Variants in NR3C1 observed in about 807,000 individuals in gnomAD.
The protein encoded by NR3C1 is glucocorticoid receptor.
NR3C1 carries 14 observed loss-of-function variants against 74.0 expected under a neutral mutation model. That is an observed-to-expected ratio of 0.19 (90% CI 0.12 to 0.30). The LOEUF is 0.30. NR3C1 is among the 10% of genes least tolerant of loss of function. The probability of loss-of-function intolerance (pLI) is 1.00; values close to 1 mark genes in which losing one functional copy is unlikely to be tolerated. For missense variants in NR3C1, 695 were observed against 909.8 expected, an observed-to-expected ratio of 0.76 and a Z score of 3.04; for synonymous variants, 308 against 332.5, an observed-to-expected ratio of 0.93 and a Z score of 0.80.
chr5:143,385,205 C>A lies in NR3C1; in HGVS notation c.1184+14451G>T, dbSNP rs1409771320. On this transcript the variant is annotated intron_variant, in intron 2 of 8. Coordinates refer to ENST00000394464, the MANE Select transcript of NR3C1 (RefSeq NM_000176.3). The stretch of plus-strand genomic sequence containing the variant: ...CTGAGGCTGCAGAGAGCAGCGCAAC[C>A]CTGGGCCTGGCCCACGAAACCATTT... 2.0e-5 allele frequency among the ~76,000 whole-genome samples: 3 copies of A among 152,220 alleles called. No individual in the cohort carries two copies. In the East Asian group the frequency reaches 5.8e-4, roughly 29 times the overall value.
chr5:143,304,460 G>C (rs2151575300), intron 4 of NR3C1, among the ~76,000 whole-genome samples: 1 of 152,160 alleles, frequency 6.6e-6, no homozygotes, highest in South Asian at 2.1e-4. Context: ...GGTAGAATCA[G>C]TATAGTTAAA....
intron 2 of NR3C1, chr5:143,332,842 T>C: frequency 6.9e-7 from 1 of 1,457,330 alleles, no homozygotes; most frequent in Non-Finnish European, 9.5e-7. Flanking sequence ...CTAAAGAAAA[T>C]TTTTAGTGGT....
intron 4 of NR3C1, among the ~76,000 whole-genome samples, chr5:143,301,894 A>T (rs1405282515): frequency 6.6e-6 from 1 of 152,112 alleles, no homozygotes; most frequent in Non-Finnish European, 1.5e-5. Context: ...ATGTTAGAAT[A>T]GAATGGTTCC....
chr5:143,326,338 A>G (rs1484354603), intron 2 of NR3C1, among the ~76,000 whole-genome samples: 1 of 152,220 alleles, frequency 6.6e-6, no homozygotes, highest in East Asian at 1.9e-4. Flanking sequence ...TTTTCTATCT[A>G]TCCTGCCCCT....
intron 2 of NR3C1, among the ~76,000 whole-genome samples, chr5:143,338,951 A>G (rs570044789): frequency 2.3e-4 from 35 of 152,194 alleles, no homozygotes; most frequent in African/African-American, 8.2e-4. Flanking sequence ...TTTTTATTGT[A>G]CCTTTTCTAT....
chr5:143,425,297 A>G (rs555263925), intron 1 of NR3C1, among the ~76,000 whole-genome samples: 10 of 152,316 alleles, frequency 6.6e-5, no homozygotes, highest in African/African-American at 2.2e-4. Context: ...AGAATCTCGG[A>G]TTAGTCAATG....
rs755608197 is a variant in NR3C1 at position 143,300,216 on chromosome 5, G to C, written c.1747+269C>G. The stretch of plus-strand genomic sequence containing the variant: ...CAAACTTCAGTGTAAAAGGAGTTTT[G>C]AGTGAGTCTTGTAACTTGAATTCTG... On this transcript the variant is annotated intron_variant, in intron 5 of 8. Coordinates refer to ENST00000394464, the MANE Select transcript of NR3C1 (RefSeq NM_000176.3). The surrounding 1 kb of genome is among the most constrained non-coding windows in gnomAD (Gnocchi z 5.2). Among the ~76,000 whole-genome samples, 6 of 152,152 alleles carry C rather than the reference G, an allele frequency of 3.9e-5. No individual in the cohort carries two copies. Among genetic ancestry groups the C allele is most frequent in the Non-Finnish European group, 7.4e-5 (5 of 68,016 alleles).
intron 2 of NR3C1, among the ~76,000 whole-genome samples, chr5:143,396,267 A>G (rs941266017): frequency 5.3e-5 from 8 of 151,876 alleles, no homozygotes; most frequent in Non-Finnish European, 1.2e-4. Context: ...CAAGTTACAG[A>G]TTTAAAAAAT....
At chr5:143,286,151 A>G (rs1814419868) in intron 7 of NR3C1, among the ~76,000 whole-genome samples, 1 of 152,142 alleles carries the variant, frequency 6.6e-6, no homozygotes, top group Non-Finnish European at 1.5e-5. Context: ...ATGTAAACCA[A>G]CAAAGCTCAC....
intron 2 of NR3C1, among the ~76,000 whole-genome samples, chr5:143,393,130 C>A (rs1446016453): frequency 2.0e-5 from 3 of 152,118 alleles, no homozygotes; most frequent in Non-Finnish European, 4.4e-5. Context: ...CCCCACCTCT[C>A]GGGTGCTAAC....
rs868322840 is a variant in NR3C1 at position 143,300,419 on chromosome 5, C to T, written c.1747+66G>A. ...CATGGGCTCACGATGATATAAAAGC[C>T]AAAGTGTTTTTGCTGAAGAAAACAC... On this transcript the variant is annotated intron_variant, in intron 5 of 8. Coordinates refer to ENST00000394464, the MANE Select transcript of NR3C1 (RefSeq NM_000176.3). This position sits in a 1 kb window ranked among gnomAD's most constrained non-coding sequence, Gnocchi z 5.2. 16 of 1,602,004 alleles carry T rather than the reference C, an allele frequency of 1.0e-5. No homozygotes were observed. The Middle Eastern group carries it at 2.1e-3, about 215-fold the overall frequency.
At chr5:143,295,196 A>T (rs1169232952) in intron 7 of NR3C1, 1 of 985,280 alleles carries the variant, frequency 1.0e-6, no homozygotes, top group Admixed American at 6.1e-5. Context: ...AAGGAAGGAG[A>T]AAAAAGTCTA....
rs758137437 is a variant in NR3C1 at position 143,300,813 on chromosome 5, T to A, written c.1469-50A>T. ...AGAAATGAACTGTAATGGGAAGGTC[T>A]GCGCTACACAGTTTATTCAAGAAGT... On this transcript the variant is annotated intron_variant, in intron 4 of 8. Coordinates refer to ENST00000394464, the MANE Select transcript of NR3C1 (RefSeq NM_000176.3). This position sits in a 1 kb window ranked among gnomAD's most constrained non-coding sequence, Gnocchi z 5.2. 1 of 1,503,322 alleles carries A rather than the reference T, an allele frequency of 6.7e-7. No homozygotes were observed. Among genetic ancestry groups the A allele is most frequent in the South Asian group, 1.2e-5 (1 of 84,660 alleles). 93.1% of individuals were successfully genotyped at this position (1,503,322 alleles called of 1,614,324 possible).
intron 8 of NR3C1, 86 bp downstream of exon 8, chr5:143,282,482 C>G: frequency 6.7e-7 from 1 of 1,493,066 alleles, no homozygotes; most frequent in South Asian, 1.2e-5. Flanking sequence ...GGGGTGGGGG[C>G]GCTGCTGGTA....
rs61753497 is a variant in NR3C1 at position 143,298,763 on chromosome 5, G to C, written c.1797C>G (p.Ser599=). ...GAGCAAATGCCATAAGAAACATCCA[G>C]GAGTACTGCAGTAGGGTCATTTGGT... ...LDDQMTLLQY[S]WMFLMAFALG... is the part of the protein sequence containing the mutation. Residue 599 remains serine (S), a synonymous_variant, in exon 6 of 9, where the codon TCC becomes TCG. Coordinates refer to ENST00000394464, the MANE Select transcript of NR3C1 (RefSeq NM_000176.3). 1.1e-5 allele frequency: 17 copies of C among 1,613,710 alleles called. No individual in the cohort carries two copies. The African/African-American group carries it at 2.0e-4, about 19-fold the overall frequency.
upstream of NR3C1, chr5:143,404,683 TTTA>T (rs1327639221): frequency 1.1e-4 from 27 of 248,784 alleles, no homozygotes; most frequent in Non-Finnish European, 1.5e-4. Context: ...GCACTTTTTT[TTTA>T]TTATTATGAT....
intron 2 of NR3C1, among the ~76,000 whole-genome samples, chr5:143,384,207 G>C (rs1283546138): frequency 6.6e-6 from 1 of 152,150 alleles, no homozygotes; most frequent in Non-Finnish European, 1.5e-5. Context: ...CAAGAGGGAA[G>C]TCCACCCTTG....
intron 7 of NR3C1, chr5:143,294,037 T>C: frequency 2.0e-6 from 2 of 985,380 alleles, no homozygotes; most frequent in Non-Finnish European, 2.4e-6. Flanking sequence ...CTTTATCGGG[T>C]TCTCTTGCCT....
At chr5:143,378,929 A>C (rs1835701887) in intron 2 of NR3C1, among the ~76,000 whole-genome samples, 1 of 152,136 alleles carries the variant, frequency 6.6e-6, no homozygotes, top group Non-Finnish European at 1.5e-5. Flanking sequence ...TATAGGATGG[A>C]CTACAATTCT....
Sources: allele counts gnomAD v4.1 joint callset (sites outside exome capture counted in the v4.1 genomes callset), GRCh38; gene constraint gnomAD v4.1.1; non-coding constraint Gnocchi (gnomAD v3.1); transcripts MANE v1.5; gene names NCBI Gene and HGNC (gene_info 2026-07-23, HGNC 2026-07-21).